Variants in RAB6B observed in about 807,000 individuals in gnomAD.
The protein encoded by RAB6B is RAB6B, member RAS oncogene family, also known as ras-related protein Rab-6B.
Under a neutral mutation model 31.2 loss-of-function variants are expected in RAB6B, and 7 were observed. The ratio of observed to expected loss-of-function variants is 0.22; its 90% CI spans 0.13 to 0.42. The LOEUF is 0.42. RAB6B is among the 10% of genes least tolerant of loss of function. The probability of loss-of-function intolerance (pLI) is 1.00; values close to 1 mark genes in which losing one functional copy is unlikely to be tolerated. For missense variants in RAB6B, 149 were observed against 280.6 expected, an observed-to-expected ratio of 0.53 and a Z score of 3.35; for synonymous variants, 105 against 104.9, an observed-to-expected ratio of 1.00 and a Z score of -0.01.
chr3:133,828,432 T>A lies in RAB6B; in HGVS notation c.*356A>T. ...AAAAGGTTCTCTATAAGTTTACAAA[T>A]ATACAAAAACAAAAAGCACATCTTT... On this transcript the variant is annotated 3_prime_UTR_variant, in exon 8 of 8. Coordinates refer to ENST00000285208, the MANE Select transcript of RAB6B (RefSeq NM_016577.4). The A allele has an allele frequency of 5.3e-6, 2 of 377,552 alleles. No individual in the cohort carries two copies. The highest frequency in any genetic ancestry group is 4.8e-6 in the Non-Finnish European group (1 of 208,906). 23.4% of individuals were successfully genotyped at this position (377,552 alleles called of 1,614,324 possible). A position where few individuals can be genotyped will look rare whatever the true frequency, so the allele number is the denominator to read the frequency against.
In RAB6B at chr3:133,881,752, C is replaced by T. The variant is rs527296656; in HGVS notation, c.70+13645G>A. Among the ~76,000 whole-genome samples the T allele has an allele frequency of 4.5e-4, 68 of 152,312 alleles. 1 individual carries two copies. Among genetic ancestry groups the T allele is most frequent in the African/African-American group, 1.6e-3 (65 of 41,572 alleles). ...CAGGGCCTGACCCCAATGAGTGCTT[C>T]ACAGGTTGGACCAGGCTGGCTACTT... On this transcript the variant is annotated intron_variant, in intron 1 of 7. Coordinates refer to ENST00000285208, the MANE Select transcript of RAB6B (RefSeq NM_016577.4).
intron 2 of RAB6B, among the ~76,000 whole-genome samples, chr3:133,856,958 T>C (rs1293034697): frequency 1.3e-5 from 2 of 152,166 alleles, no homozygotes; most frequent in South Asian, 2.1e-4. Flanking sequence ...ATAAAAAATA[T>C]CCTCATGTTG....
chr3:133,874,019 A>G (rs1386028316), intron 1 of RAB6B, among the ~76,000 whole-genome samples: 2 of 152,236 alleles, frequency 1.3e-5, no homozygotes, highest in African/African-American at 4.8e-5. Context: ...TTTACGTTGA[A>G]TAGGCTGAAG....
At chr3:133,849,255 C>A (rs182008044) in intron 2 of RAB6B, among the ~76,000 whole-genome samples, 1 of 152,184 alleles carries the variant, frequency 6.6e-6, no homozygotes, top group Non-Finnish European at 1.5e-5. Flanking sequence ...TCAATCTCTC[C>A]CACTGGCCAG....
intron 6 of RAB6B, among the ~76,000 whole-genome samples, chr3:133,835,107 G>A (rs187177922): frequency 5.9e-5 from 9 of 152,340 alleles, no homozygotes; most frequent in Admixed American, 2.0e-4. Context: ...CCAAGGCAGC[G>A]AACAGCAGGG....
intron 2 of RAB6B, among the ~76,000 whole-genome samples, chr3:133,843,417 C>T (rs189797908): frequency 6.6e-6 from 1 of 152,312 alleles, no homozygotes; most frequent in East Asian, 1.9e-4. Context: ...TTTTCCTTCA[C>T]AGGTGTATGT....
intron 1 of RAB6B, among the ~76,000 whole-genome samples, chr3:133,879,197 G>A (rs1449103089): frequency 1.3e-5 from 2 of 152,222 alleles, no homozygotes; most frequent in African/African-American, 4.8e-5. Flanking sequence ...CATATGTAAA[G>A]TCTTTGTATA....
rs753300157 is a variant in RAB6B, at chr3:133,841,514, C to G, written c.183+96G>C. ...CATCACCAGCTCCAGCCCCTAGTGT[C>G]GGCAGGTGCTCTCAGTGGTGCCCAG... is the stretch of plus-strand genomic sequence containing the variant. On this transcript the variant is annotated intron_variant, in intron 3 of 7. Transcript: ENST00000285208. 2.6e-6 allele frequency: 4 copies of G among 1,534,834 alleles called. No homozygotes were observed. The African/African-American group carries it at 4.1e-5, about 16-fold the overall frequency.
intron 2 of RAB6B, among the ~76,000 whole-genome samples, chr3:133,843,754 G>A (rs901409217): frequency 2.6e-5 from 4 of 152,256 alleles, no homozygotes; most frequent in Admixed American, 6.5e-5. Context: ...ACGTGATGTA[G>A]GCATCTTTGG....
chr3:133,843,080 G>A (rs1576396011), intron 2 of RAB6B, among the ~76,000 whole-genome samples: 1 of 152,238 alleles, frequency 6.6e-6, no homozygotes, highest in Non-Finnish European at 1.5e-5. Flanking sequence ...TTCCACAAAG[G>A]ACTGAGACTG....
In RAB6B at chr3:133,834,350, A is replaced by G. The variant is rs114945289; in HGVS notation, c.562+225T>C. Among the ~76,000 whole-genome samples the G allele has an allele frequency of 6.4e-3, 968 of 152,234 alleles. 11 individuals are homozygous for G. Among genetic ancestry groups the G allele is most frequent in the African/African-American group, 0.022 (921 of 41,520 alleles). The stretch of plus-strand genomic sequence containing the variant: ...ATCACTCTGTGCACACCCCTTTGGT[A>G]TCTTCCTGCTATTCTGGAAGAAGAA... On this transcript the variant is annotated intron_variant, in intron 7 of 7. Coordinates refer to ENST00000285208, the MANE Select transcript of RAB6B (RefSeq NM_016577.4).
intron 2 of RAB6B, among the ~76,000 whole-genome samples, chr3:133,858,168 A>G (rs763817438): frequency 6.6e-6 from 1 of 151,968 alleles, no homozygotes; most frequent in African/African-American, 2.4e-5. Flanking sequence ...ACTGGGGCCA[A>G]CTCACCCACC....
chr3:133,834,477 G>A, intron 7 of RAB6B, 98 bp downstream of exon 7: 1 of 1,327,598 alleles, frequency 7.5e-7, no homozygotes, highest in Admixed American at 1.7e-5. Context: ...GGAAGGCTGG[G>A]CGGGGACTGG....
intron 2 of RAB6B, among the ~76,000 whole-genome samples, chr3:133,855,329 GGGTAC>G (rs1936059252): frequency 6.6e-6 from 1 of 152,232 alleles, no homozygotes; most frequent in Admixed American, 6.5e-5. Context: ...GCCACAGTAC[GGGTAC>G]TTGCATTCTT....
intron 1 of RAB6B, among the ~76,000 whole-genome samples, chr3:133,889,403 T>C (rs1361099160): frequency 0.021 from 571 of 27,586 alleles, 20 homozygotes; most frequent in Non-Finnish European, 0.027. Context: ...TATATATATA[T>C]ATATATATAT....
At chr3:133,860,577 G>A (rs961942448) in intron 2 of RAB6B, among the ~76,000 whole-genome samples, 4 of 152,240 alleles carry the variant, frequency 2.6e-5, no homozygotes, top group Non-Finnish European at 4.4e-5. Context: ...GCCTCAGGGC[G>A]GAGCGGCAGG....
chr3:133,839,427 C>T (rs1935787796), intron 5 of RAB6B, 79 bp downstream of exon 5: 4 of 1,238,540 alleles, frequency 3.2e-6, no homozygotes, highest in Non-Finnish European at 4.8e-6. Flanking sequence ...ACCACCCATG[C>T]ATCCCAGAGC....
At chr3:133,856,098 T>A (rs191096697) in intron 2 of RAB6B, among the ~76,000 whole-genome samples, 2 of 152,062 alleles carry the variant, frequency 1.3e-5, no homozygotes, top group Non-Finnish European at 2.9e-5. Flanking sequence ...AGGGGCCTGA[T>A]GGTAGCACCA....
chr3:133,858,455 G>C (rs942997557), intron 2 of RAB6B, among the ~76,000 whole-genome samples: 2 of 152,314 alleles, frequency 1.3e-5, no homozygotes, highest in Admixed American at 6.5e-5. Flanking sequence ...AGCTCTGGAG[G>C]CTGGAGTCTG....
Sources: gnomAD v4.1 joint callset for allele counts (sites outside exome capture counted in the v4.1 genomes callset) on GRCh38, gnomAD v4.1.1 for gene constraint, MANE v1.5 for transcripts, NCBI Gene and HGNC (gene_info 2026-07-23, HGNC 2026-07-21) for gene names.